The following KRT8 variants were observed in gnomAD, a reference collection of about 807,000 sequenced individuals.
KRT8 encodes the protein keratin 8.
Under a neutral mutation model 43.0 loss-of-function variants are expected in KRT8, and 24 were observed. The ratio of observed to expected loss-of-function variants is 0.56; its 90% CI spans 0.40 to 0.78. KRT8 has a LOEUF of 0.78. Among genes scored for constraint, KRT8 ranks in the 30% least tolerant of loss-of-function variants. The pLI is 0.00. For missense variants in KRT8, 492 were observed against 638.4 expected, an observed-to-expected ratio of 0.77 and a Z score of 2.47; for synonymous variants, 214 against 261.2, an observed-to-expected ratio of 0.82 and a Z score of 1.74.
upstream of KRT8, among the ~76,000 whole-genome samples, chr12:52,908,722 G>C (rs1221176427): frequency 3.3e-5 from 5 of 152,302 alleles, no homozygotes; most frequent in South Asian, 1.0e-3. Flanking sequence ...ATTTGATGGT[G>C]GTGGGCAGGC....
chr12:52,926,540 T>G, intron 2 of KRT8: 3 of 1,274,260 alleles, frequency 2.4e-6, no homozygotes, highest in Non-Finnish European at 3.3e-6. Context: ...GCCACTCCTA[T>G]AGAGACCCCA....
At chr12:52,925,391 T>C (rs575832911) in intron 2 of KRT8, among the ~76,000 whole-genome samples, 47 of 152,282 alleles carry the variant, frequency 3.1e-4, no homozygotes, top group Non-Finnish European at 2.6e-4. Flanking sequence ...CCCCGAAGCA[T>C]ACCTAAAACT....
At chr12:52,935,529 TAAAA>T (rs376953061) in intron 2 of KRT8, among the ~76,000 whole-genome samples, 1 of 129,486 alleles carries the variant, frequency 7.7e-6, no homozygotes. Context: ...TGTCTCTACT[TAAAA>T]AAAAAAAAAA....
At chr12:52,903,522 C>T (rs1941427500) in intron 1 of KRT8, 1 of 152,256 alleles carries the variant, frequency 6.6e-6, no homozygotes. Context: ...CTCCCGTTCC[C>T]ACAATGCCTC....
chr12:52,911,635 G>A (rs772528447), upstream of KRT8, among the ~76,000 whole-genome samples: 9 of 152,148 alleles, frequency 5.9e-5, no homozygotes, highest in Non-Finnish European at 1.0e-4. Context: ...ACCAGATGAG[G>A]CACAGAGATG....
chr12:52,903,513 T>C (rs1941427369), intron 1 of KRT8: 1 of 152,168 alleles, frequency 6.6e-6, no homozygotes, highest in Admixed American at 6.5e-5. Context: ...ATTTCCCTCC[T>C]CCCGTTCCCA....
At chr12:52,935,093 A>G (rs550523784) in intron 2 of KRT8, among the ~76,000 whole-genome samples, 1 of 150,348 alleles carries the variant, frequency 6.7e-6, no homozygotes, top group Non-Finnish European at 1.5e-5. Context: ...AGAAAAAAAA[A>G]AAATAGGCCT....
intron 2 of KRT8, chr12:52,926,388 C>G (rs1592179877): frequency 7.9e-7 from 1 of 1,272,746 alleles, no homozygotes; most frequent in Non-Finnish European, 1.0e-6. Context: ...ACCTCCTTGT[C>G]ACCTGCACCT....
At chr12:52,900,157 G>A (rs970224711) in intron 4 of KRT8, 92 bp from the exon 5 acceptor site, 4 of 1,325,278 alleles carry the variant, frequency 3.0e-6, no homozygotes, top group Non-Finnish European at 4.2e-6. Context: ...ATAAGACAGG[G>A]GCAGCAGAGG....
intron 2 of KRT8, among the ~76,000 whole-genome samples, chr12:52,927,220 C>T (rs1047997158): frequency 6.6e-6 from 1 of 152,310 alleles, no homozygotes; most frequent in East Asian, 1.9e-4. Context: ...CACCACCACT[C>T]AGTTTGATAG....
chr12:52,938,136 CTATATATATA>C (rs1161700326), intron 2 of KRT8, among the ~76,000 whole-genome samples: 4 of 44,046 alleles, frequency 9.1e-5, no homozygotes, highest in Non-Finnish European at 1.4e-4. Flanking sequence ...CACTAGAAAG[CTATATATATA>C]TATATATATA....
chr12:52,948,892 A>G, intron 2 of KRT8: 1 of 418,370 alleles, frequency 2.4e-6, no homozygotes, highest in Non-Finnish European at 4.1e-6. Context: ...GGCCAACAAC[A>G]CCTGCTGTCC....
In KRT8 at chr12:52,918,102, A is replaced by AGGAGGAGGAGAAGAAGAAGAG. The variant is rs1565725427; in HGVS notation, c.-46-13076_-46-13075insCTCTTCTTCTTCTCCTCCTCC. Among the ~76,000 whole-genome samples, 8 of 119,454 alleles carry AGGAGGAGGAGAAGAAGAAGAG rather than the reference A, an allele frequency of 6.7e-5. 1 individual carries two copies. The highest frequency in any genetic ancestry group is 2.6e-4 in the African/African-American group (8 of 30,192). 78.4% of individuals were successfully genotyped at this position (119,454 alleles called of 152,430 possible). A position where few individuals can be genotyped will look rare whatever the true frequency, so the allele number is the denominator to read the frequency against. On this transcript the variant is annotated intron_variant, in intron 2 of 6. Coordinates refer to the KRT8 transcript ENST00000546826. The stretch of plus-strand genomic sequence containing the variant: ...GAGGAGGAGGAGAAGAAGAAGAGGA[A>AGGAGGAGGAGAAGAAGAAGAG]GAAGAAGAAGAAGAAGAGGAAGAAG...
At chr12:52,938,863 C>T (rs10876387) in intron 2 of KRT8, among the ~76,000 whole-genome samples, 22,126 of 151,890 alleles carry the variant, frequency 0.15, 2,384 homozygotes, top group East Asian at 0.49. Context: ...ATGATCCTCC[C>T]GCCTTGACCT....
chr12:52,920,345 C>T (rs1941857243), intron 2 of KRT8, among the ~76,000 whole-genome samples: 1 of 151,698 alleles, frequency 6.6e-6, no homozygotes, highest in Non-Finnish European at 1.5e-5. Flanking sequence ...CGCCTGTAAT[C>T]CCAGCACTTT....
At chr12:52,948,989 G>A (rs1942403754) in intron 2 of KRT8, 3 of 505,604 alleles carry the variant, frequency 5.9e-6, no homozygotes, top group Non-Finnish European at 6.8e-6. Flanking sequence ...TGGGGCCCGG[G>A]GCGGAGCGGC....
At chr12:52,941,985 C>T (rs1054024918) in intron 2 of KRT8, among the ~76,000 whole-genome samples, 1 of 152,132 alleles carries the variant, frequency 6.6e-6, no homozygotes, top group Non-Finnish European at 1.5e-5. Context: ...ATGAATTCTT[C>T]CTTTCTCTGA....
intron 2 of KRT8, among the ~76,000 whole-genome samples, chr12:52,922,840 C>T (rs1941097113): frequency 6.6e-6 from 1 of 152,210 alleles, no homozygotes; most frequent in Admixed American, 6.5e-5. Flanking sequence ...CAAAGTTTAG[C>T]TTCCCAGTCC....
chr12:52,897,224 A>C (rs745990748), exon 8 of KRT8: 8 of 200,782 alleles, frequency 4.0e-5, no homozygotes, highest in Admixed American at 1.1e-4. Flanking sequence ...ATTTTGGACC[A>C]AAAAAAAAAA....
Sources: gnomAD v4.1 joint callset for allele counts (sites outside exome capture counted in the v4.1 genomes callset) on GRCh38, gnomAD v4.1.1 for gene constraint, MANE v1.5 for transcripts, NCBI Gene and HGNC (gene_info 2026-07-23, HGNC 2026-07-21) for gene names.